ACTR3C: variants seen among roughly 807,000 people sequenced by gnomAD.
ACTR3C encodes the protein actin related protein 3C, also known as actin-related protein 3C.
A neutral mutation model predicts 26.3 loss-of-function variants in ACTR3C; 18 were observed. The ratio of observed to expected loss-of-function variants is 0.68; its 90% CI spans 0.47 to 1.01. ACTR3C has a LOEUF of 1.01. ACTR3C is among the 50% of genes least tolerant of loss of function. The probability of loss-of-function intolerance (pLI) is 0.00; values close to 1 mark genes in which losing one functional copy is unlikely to be tolerated. For missense variants in ACTR3C, 184 were observed against 250.7 expected (o/e 0.73, Z 1.80); for synonymous variants, 55 against 94.5 (o/e 0.58, Z 2.42).
the ACTR3C span, among the ~76,000 whole-genome samples, chr7:150,114,192 G>A: frequency 2.0e-4 from 30 of 152,228 alleles, no homozygotes; most frequent in African/African-American, 7.0e-4. Context: ...CAATGTTGTG[G>A]CATCTCAGTG....
chr7:150,036,121 A>AAGGGG, the ACTR3C span, among the ~76,000 whole-genome samples: 1 of 132,260 alleles, frequency 7.6e-6, no homozygotes, highest in African/African-American at 2.8e-5. Context: ...CAGGGGGGGA[A>AAGGGG]GAGGGGTTGG....
chr7:149,930,568 C>T, the ACTR3C span, among the ~76,000 whole-genome samples: 9 of 152,192 alleles, frequency 5.9e-5, no homozygotes, highest in Non-Finnish European at 1.0e-4. Context: ...GCACATACCA[C>T]GCCTGGTCCC....
At chr7:150,042,609 C>T in the ACTR3C span, among the ~76,000 whole-genome samples, 1 of 149,922 alleles carries the variant, frequency 6.7e-6, no homozygotes, top group Non-Finnish European at 1.5e-5. Context: ...GATGGGAGTC[C>T]CAAGAGCCAG....
At chr7:150,037,908 TC>T in the ACTR3C span, among the ~76,000 whole-genome samples, 1 of 125,414 alleles carries the variant, frequency 8.0e-6, no homozygotes, top group East Asian at 2.3e-4. Context: ...TCGCTCTCAG[TC>T]CCCGCGTCGC....
At chr7:150,041,233 C>T in the ACTR3C span, 2 of 150,788 alleles carry the variant, frequency 1.3e-5, no homozygotes, top group African/African-American at 5.0e-5. Flanking sequence ...CATACAAAGG[C>T]TTGGCTAATA....
the ACTR3C span, among the ~76,000 whole-genome samples, chr7:149,997,806 T>G: frequency 2.7e-5 from 4 of 150,172 alleles, no homozygotes; most frequent in African/African-American, 9.8e-5. Flanking sequence ...CTGATGTGAT[T>G]GTTTGCAAAA....
chr7:150,114,222 T>C, the ACTR3C span, among the ~76,000 whole-genome samples: 1 of 152,212 alleles, frequency 6.6e-6, no homozygotes, highest in Admixed American at 6.5e-5. Context: ...GAAATCACGC[T>C]CAATCCCGGC....
chr7:150,252,847 T>C (rs1832948222), intron 6 of ACTR3C, among the ~76,000 whole-genome samples: 2 of 152,198 alleles, frequency 1.3e-5, no homozygotes, highest in Admixed American at 1.3e-4. Flanking sequence ...AAATAATGCC[T>C]GTGTGTTTAT....
At chr7:150,190,907 A>G in the ACTR3C span, among the ~76,000 whole-genome samples, 3 of 152,114 alleles carry the variant, frequency 2.0e-5, 1 homozygote, top group Non-Finnish European at 4.4e-5. Flanking sequence ...AAAGGGGGAA[A>G]AGCCCCATAT....
chr7:149,970,672 TAACCAACC>T, the ACTR3C span, among the ~76,000 whole-genome samples: 4 of 152,176 alleles, frequency 2.6e-5, no homozygotes, highest in East Asian at 7.7e-4. Flanking sequence ...ATCACACATT[TAACCAACC>T]AACCAACCAA....
the ACTR3C span, among the ~76,000 whole-genome samples, chr7:149,904,485 T>C: frequency 6.7e-6 from 1 of 148,688 alleles, no homozygotes; most frequent in Non-Finnish European, 1.5e-5. Flanking sequence ...GAGCTGAGAC[T>C]GTGCCACTGC....
At chr7:150,218,523 A>C in the ACTR3C span, among the ~76,000 whole-genome samples, 2 of 150,288 alleles carry the variant, frequency 1.3e-5, no homozygotes, top group African/African-American at 4.9e-5. Flanking sequence ...CTCCGTTCTC[A>C]TATTATTGGA....
In ACTR3C at chr7:150,286,361, C is replaced by A. The variant is rs397833374; in HGVS notation, c.471+6G>T. On this transcript the variant is annotated splice_donor_region_variant and intron_variant, in intron 5 of 7. Coordinates refer to ENST00000683684, the MANE Select transcript of ACTR3C (RefSeq NM_001164458.2). The stretch of plus-strand genomic sequence containing the variant: ...ACTTGAGCACACAAAAAAAGAAACA[C>A]CTTACCTCCGGGTGAAAGAATATTT... The A allele has an allele frequency of 3.1e-6, 5 of 1,613,942 alleles. No homozygotes were observed. In the South Asian group the frequency reaches 5.5e-5, roughly 18 times the overall value.
At chr7:150,070,817 T>C in the ACTR3C span, among the ~76,000 whole-genome samples, 3 of 147,434 alleles carry the variant, frequency 2.0e-5, no homozygotes, top group East Asian at 2.0e-4. Flanking sequence ...TTTTTTGAGA[T>C]GGAGTTTCGC....
the ACTR3C span, among the ~76,000 whole-genome samples, chr7:150,160,800 A>G: frequency 6.6e-6 from 1 of 151,688 alleles, no homozygotes; most frequent in Admixed American, 6.6e-5. Context: ...TGACCCAGAG[A>G]AGGCACCCTA....
chr7:150,129,240 G>C, the ACTR3C span, among the ~76,000 whole-genome samples: 1 of 151,992 alleles, frequency 6.6e-6, no homozygotes, highest in Non-Finnish European at 1.5e-5. Context: ...CCTGCCAAAA[G>C]ATATCTGCCA....
intron 6 of ACTR3C, among the ~76,000 whole-genome samples, chr7:150,266,076 G>A (rs2129610484): frequency 6.7e-6 from 1 of 148,270 alleles, no homozygotes; most frequent in South Asian, 2.2e-4. Flanking sequence ...CTCCAGTCCA[G>A]AGTCCAGTGC....
chr7:150,050,733 C>G, the ACTR3C span, among the ~76,000 whole-genome samples: 7 of 151,996 alleles, frequency 4.6e-5, no homozygotes, highest in Admixed American at 4.6e-4. Context: ...CCAGATGGAG[C>G]GCCCTTTACC....
At chr7:150,093,107 G>C in the ACTR3C span, among the ~76,000 whole-genome samples, 1 of 151,372 alleles carries the variant, frequency 6.6e-6, no homozygotes, top group Admixed American at 6.6e-5. Context: ...CATCTAAAAT[G>C]GGGACAGGAA....
Sources: allele counts gnomAD v4.1 joint callset (sites outside exome capture counted in the v4.1 genomes callset), GRCh38; gene constraint gnomAD v4.1.1; transcripts MANE v1.5; gene names NCBI Gene and HGNC (gene_info 2026-07-23, HGNC 2026-07-21).